The following KIRREL3 variants were observed in gnomAD, a reference collection of about 807,000 sequenced individuals.
KIRREL3 encodes kin of IRRE-like protein 3.
In KIRREL3, 36 loss-of-function variants were observed where a neutral mutation model predicts 89.7. That is an observed-to-expected ratio of 0.40 (90% confidence interval 0.31 to 0.53). KIRREL3 has a LOEUF of 0.53. Among genes scored for constraint, KIRREL3 ranks in the 20% least tolerant of loss-of-function variants. The pLI is 0.49. For missense variants in KIRREL3, 864 were observed against 1,056.6 expected, an observed-to-expected ratio of 0.82 and a Z score of 2.53; for synonymous variants, 445 against 441.4, an observed-to-expected ratio of 1.01 and a Z score of -0.10.
At position 126,475,664 on chromosome 11, in the gene KIRREL3, A is replaced by T. The variant is rs1957042992; in HGVS notation, c.434-2198T>A. Reference sequence around the variant, plus strand: ...GAGGAAGCAGGCATGAATGGGATGGATGGAGAAGACGACCCCCCAGCCGCC... The same window carrying T: ...GAGGAAGCAGGCATGAATGGGATGGTTGGAGAAGACGACCCCCCAGCCGCC... On this transcript the variant is annotated intron_variant, in intron 4 of 16. Transcript: ENST00000525144. This position sits in a 1 kb window ranked among gnomAD's most constrained non-coding sequence, Gnocchi z 7.5. Among the ~76,000 whole-genome samples the T allele has an allele frequency of 6.6e-6, 1 of 152,038 alleles. No individual in the cohort carries two copies. The highest frequency in any genetic ancestry group is 1.5e-5 in the Non-Finnish European group (1 of 68,018).
At position 126,540,344 on chromosome 11, in the gene KIRREL3, G is replaced by A. The variant is rs1182570348; in HGVS notation, c.134-13657C>T. 2.0e-5 allele frequency among the ~76,000 whole-genome samples: 3 copies of A among 152,206 alleles called. No homozygotes were observed. In the South Asian group the frequency reaches 6.2e-4, roughly 32 times the overall value. On this transcript the variant is annotated intron_variant, in intron 2 of 16. Coordinates refer to ENST00000525144, the MANE Select transcript of KIRREL3 (RefSeq NM_032531.4). The stretch of plus-strand genomic sequence containing the variant: ...GCTCTTCCCAGGGCTGGATGAGGGG[G>A]TGGAAAGTCTGAGGGCACATTCCCC...
rs533840871 is a variant in KIRREL3 at position 126,541,529 on chromosome 11, T to C, written c.134-14842A>G. 6.6e-6 allele frequency among the ~76,000 whole-genome samples: 1 copy of C among 152,230 alleles called. No individual in the cohort carries two copies. Among genetic ancestry groups the C allele is most frequent in the East Asian group, 1.9e-4 (1 of 5,176 alleles). ...TAAACATTAAAAAAAGTAAACAAAA[T>C]AATCATTTATGCTGCTATAGCCTTG... On this transcript the variant is annotated intron_variant, in intron 2 of 16. Coordinates refer to ENST00000525144, the MANE Select transcript of KIRREL3 (RefSeq NM_032531.4). This position sits in a 1 kb window ranked among gnomAD's most constrained non-coding sequence, Gnocchi z 4.8.
rs1214267785 is a variant in KIRREL3 at position 126,575,779 on chromosome 11, C to A, written c.56-12867G>T. Among the ~76,000 whole-genome samples, 1 of 152,160 alleles carries A rather than the reference C, an allele frequency of 6.6e-6. No homozygotes were observed. The highest frequency in any genetic ancestry group is 1.5e-5 in the Non-Finnish European group (1 of 68,028). ...GTTCCTTCTATCAGGGATTCTCACA[C>A]CCCTCTCAAGCATCACATTTCATTC... On this transcript the variant is annotated intron_variant, in intron 1 of 16. Transcript: ENST00000525144. This position sits in a 1 kb window ranked among gnomAD's most constrained non-coding sequence, Gnocchi z 7.0.
In KIRREL3 at chr11:126,917,199, C is replaced by T. The variant is rs962903953; in HGVS notation, c.55+83256G>A. ...ATTATGCTAAATCAAATGAACCAGACACAGAAGGATATATATTGTACGATT... is the reference window on the plus strand; with the variant it reads ...ATTATGCTAAATCAAATGAACCAGATACAGAAGGATATATATTGTACGATT... On this transcript the variant is annotated intron_variant, in intron 1 of 16. Transcript: ENST00000525144. The surrounding 1 kb of genome is among the most constrained non-coding windows in gnomAD (Gnocchi z 5.0). Among the ~76,000 whole-genome samples, 2 of 152,072 alleles carry T rather than the reference C, an allele frequency of 1.3e-5. No homozygotes were observed. The highest frequency in any genetic ancestry group is 1.3e-4 in the Admixed American group (2 of 15,270).
chr11:126,509,151 G>A (rs912677468), intron 4 of KIRREL3, among the ~76,000 whole-genome samples: 12 of 152,142 alleles, frequency 7.9e-5, no homozygotes, highest in African/African-American at 2.9e-4. Context: ...TCTTATCTCT[G>A]ATGAACCCCC....
Position 126,441,416 on chromosome 11 carries a change from C to A in KIRREL3, c.1253-867G>T, listed in dbSNP as rs185350245. 6.6e-6 allele frequency among the ~76,000 whole-genome samples: 1 copy of A among 152,332 alleles called. No individual in the cohort carries two copies. Among genetic ancestry groups the A allele is most frequent in the Non-Finnish European group, 1.5e-5 (1 of 68,032 alleles). On this transcript the variant is annotated intron_variant, in intron 10 of 16. Coordinates refer to ENST00000525144, the MANE Select transcript of KIRREL3 (RefSeq NM_032531.4). This position sits in a 1 kb window ranked among gnomAD's most constrained non-coding sequence, Gnocchi z 5.0. ...GCCTGTTACCTAACCCAAGTCTTTC[C>A]CCTGTGACGCCTGCCTGGCCGTGAA...
chr11:126,773,683 G>T lies in KIRREL3; in HGVS notation c.56-210771C>A, dbSNP rs1021084807. ...AACATCAAGCTGTATGTATGTGTGT[G>T]TGTGTGTGTTTGTGTGTGTGTTTTC... On this transcript the variant is annotated intron_variant, in intron 1 of 16. Coordinates refer to ENST00000525144, the MANE Select transcript of KIRREL3 (RefSeq NM_032531.4). The surrounding 1 kb of genome is among the most constrained non-coding windows in gnomAD (Gnocchi z 4.2). Among the ~76,000 whole-genome samples, 2 of 152,198 alleles carry T rather than the reference G, an allele frequency of 1.3e-5. No homozygotes were observed.
chr11:126,626,758 C>T (rs899196381), intron 1 of KIRREL3, among the ~76,000 whole-genome samples: 1 of 152,144 alleles, frequency 6.6e-6, no homozygotes. Flanking sequence ...TTTGGAAGGC[C>T]GAGGCGGGCA....
At position 126,795,270 on chromosome 11, in the gene KIRREL3, C is replaced by CCAAT. The variant is rs1950769950; in HGVS notation, c.55+205181_55+205184dup. Among the ~76,000 whole-genome samples, 1 of 152,152 alleles carries CCAAT rather than the reference C, an allele frequency of 6.6e-6. No individual in the cohort carries two copies. Among genetic ancestry groups the CCAAT allele is most frequent in the South Asian group, 2.1e-4 (1 of 4,828 alleles). ...ATAACAATGTATCTATATTGGCTTA[C>CCAAT]CAATGGTAACAGATATACTACACTA... On this transcript the variant is annotated intron_variant, in intron 1 of 16. Coordinates refer to ENST00000525144, the MANE Select transcript of KIRREL3 (RefSeq NM_032531.4). The surrounding 1 kb of genome is among the most constrained non-coding windows in gnomAD (Gnocchi z 4.1).
At chr11:126,440,422 C>T in intron 11 of KIRREL3, 27 bp downstream of exon 11, 6 of 1,547,978 alleles carry the variant, frequency 3.9e-6, no homozygotes, top group Non-Finnish European at 2.6e-6. Context: ...TGGCCCGGCC[C>T]CCGCCCGCCG....
At chr11:126,863,654 CGT>C (rs1944823602) in intron 1 of KIRREL3, among the ~76,000 whole-genome samples, 1 of 149,982 alleles carries the variant, frequency 6.7e-6, no homozygotes, top group Non-Finnish European at 1.5e-5. Context: ...TGTTTGAGTG[CGT>C]GTGTGAGTGT....
intron 1 of KIRREL3, among the ~76,000 whole-genome samples, chr11:126,827,832 T>TA (rs1943469666): frequency 6.6e-6 from 1 of 152,208 alleles, no homozygotes; most frequent in Admixed American, 6.5e-5. Flanking sequence ...TTCCTGTTTT[T>TA]ATCTGAACTA....
chr11:126,685,728 A>G lies in KIRREL3; in HGVS notation c.56-122816T>C, dbSNP rs539910321. The stretch of plus-strand genomic sequence containing the variant: ...TCCATCTCATTTTGAGATCTTGCCT[A>G]TGACGGCAAATGTCTCCCCACCGTC... On this transcript the variant is annotated intron_variant, in intron 1 of 16. Transcript: ENST00000525144. This position sits in a 1 kb window ranked among gnomAD's most constrained non-coding sequence, Gnocchi z 5.5. Among the ~76,000 whole-genome samples, 38 of 152,276 alleles carry G rather than the reference A, an allele frequency of 2.5e-4. 1 individual carries two copies. Among genetic ancestry groups the G allele is most frequent in the African/African-American group, 8.9e-4 (37 of 41,552 alleles).
intron 2 of KIRREL3, among the ~76,000 whole-genome samples, chr11:126,534,658 C>T (rs886141196): frequency 2.0e-5 from 3 of 152,312 alleles, no homozygotes; most frequent in African/African-American, 7.2e-5. Context: ...CGCCATCTGT[C>T]CCGGGGGCCC....
In KIRREL3 at chr11:126,710,756, C is replaced by T. The variant is rs897384677; in HGVS notation, c.56-147844G>A. On this transcript the variant is annotated intron_variant, in intron 1 of 16. Coordinates refer to ENST00000525144, the MANE Select transcript of KIRREL3 (RefSeq NM_032531.4). The surrounding 1 kb of genome is among the most constrained non-coding windows in gnomAD (Gnocchi z 4.2). ...TTTAGGCTAAATAAGAAAAGTGATACCAAGTCAAACAGATCACAACTGATT... is the reference window on the plus strand; with the variant it reads ...TTTAGGCTAAATAAGAAAAGTGATATCAAGTCAAACAGATCACAACTGATT... 1.3e-5 allele frequency among the ~76,000 whole-genome samples: 2 copies of T among 152,120 alleles called. No individual in the cohort carries two copies. The highest frequency in any genetic ancestry group is 3.9e-4 in the East Asian group (2 of 5,194).
chr11:126,556,242 G>A (rs1031530309), intron 2 of KIRREL3, among the ~76,000 whole-genome samples: 1 of 152,102 alleles, frequency 6.6e-6, no homozygotes, highest in Non-Finnish European at 1.5e-5. Flanking sequence ...GTCTAGGGTG[G>A]TGGCATGAGA....
At chr11:126,480,813 T>C (rs1424498030) in intron 4 of KIRREL3, among the ~76,000 whole-genome samples, 1 of 152,232 alleles carries the variant, frequency 6.6e-6, no homozygotes, top group African/African-American at 2.4e-5. Flanking sequence ...GAATGTTGTT[T>C]GTAGTCCGCC....
At chr11:126,845,723 T>G (rs1944116391) in intron 1 of KIRREL3, among the ~76,000 whole-genome samples, 1 of 152,228 alleles carries the variant, frequency 6.6e-6, no homozygotes, top group Admixed American at 6.5e-5. Flanking sequence ...CATTTGTTTA[T>G]TCTCTTCCCT....
At chr11:126,542,226 C>T (rs1299528120) in intron 2 of KIRREL3, among the ~76,000 whole-genome samples, 2 of 152,138 alleles carry the variant, frequency 1.3e-5, no homozygotes, top group African/African-American at 4.8e-5. Flanking sequence ...TGGAGAATCA[C>T]AGCTCAGACC....
Sources: gnomAD v4.1 joint callset for allele counts (sites outside exome capture counted in the v4.1 genomes callset) on GRCh38, gnomAD v4.1.1 for gene constraint, Gnocchi (gnomAD v3.1) non-coding constraint, MANE v1.5 for transcripts, NCBI Gene and HGNC (gene_info 2026-07-23, HGNC 2026-07-21) for gene names.